The following RICTOR variants were observed in gnomAD, a reference collection of about 807,000 sequenced individuals.
The protein encoded by RICTOR is RPTOR independent companion of MTOR complex 2, also known as rapamycin-insensitive companion of mTOR.
RICTOR carries 49 observed loss-of-function variants against 214.9 expected under a neutral mutation model. That is an observed-to-expected ratio of 0.23 (90% CI 0.18 to 0.29). The LOEUF is 0.29. Ranked by LOEUF, RICTOR falls within the 10% of genes least tolerant of loss-of-function variation. RICTOR has a pLI of 1.00. For synonymous variants in RICTOR, 717 were observed against 711.3 expected (o/e 1.01, Z -0.13); for missense variants, 1,625 against 2,047.0 (o/e 0.79, Z 3.98).
At position 38,990,979 on chromosome 5, in the gene RICTOR, G is replaced by C; in HGVS notation, c.553C>G (p.Arg185Gly). The part of the protein sequence containing the change: ...DGLQERDRMV[R>G]ACIAIICELA... The stretch of plus-strand genomic sequence containing the variant: ...TCACAGATAATGGCAATGCATGCTC[G>C]GACCATTCTGTCTCTTTCTTGAAGT... The change falls in exon 7 of 38, where the codon CGA (arginine) becomes GGA (glycine). Residue 185 changes from arginine to glycine, a missense_variant. Physicochemically the swap from Arg to Gly is moderately radical, Grantham distance 125. Around this residue, in one of 5 missense-constraint regions of RICTOR, gnomAD observed 258 missense variants for 393.7 expected, o/e 0.66. Coordinates refer to ENST00000357387, the MANE Select transcript of RICTOR (RefSeq NM_152756.5). 1 of 1,604,844 alleles carries C rather than the reference G, an allele frequency of 6.2e-7. No individual in the cohort carries two copies. Among genetic ancestry groups the C allele is most frequent in the Non-Finnish European group, 8.5e-7 (1 of 1,174,650 alleles).
intron 6 of RICTOR, among the ~76,000 whole-genome samples, chr5:38,993,168 G>A (rs903080804): frequency 1.3e-5 from 2 of 152,316 alleles, no homozygotes; most frequent in Non-Finnish European, 2.9e-5. Context: ...GCCAATGTAG[G>A]TTTGGAAATT....
intron 24 of RICTOR, among the ~76,000 whole-genome samples, chr5:38,958,061 C>T (rs1749442487): frequency 6.6e-6 from 1 of 151,954 alleles, no homozygotes; most frequent in Non-Finnish European, 1.5e-5. Flanking sequence ...CATGGTGAAA[C>T]TCCAACTCTA....
intron 2 of RICTOR, among the ~76,000 whole-genome samples, chr5:39,035,397 T>C (rs895188260): frequency 9.9e-5 from 15 of 151,530 alleles, no homozygotes; most frequent in Admixed American, 3.9e-4. Context: ...AAGCTGAAAA[T>C]TCTAAATATC....
At chr5:39,049,233 A>T (rs1245537428) in intron 2 of RICTOR, among the ~76,000 whole-genome samples, 2 of 152,196 alleles carry the variant, frequency 1.3e-5, no homozygotes, top group Non-Finnish European at 2.9e-5. Context: ...TATAGGGCAC[A>T]ACCAAAAACC....
intron 2 of RICTOR, among the ~76,000 whole-genome samples, chr5:39,061,576 T>G (rs1758544709): frequency 6.6e-6 from 1 of 151,924 alleles, no homozygotes; most frequent in East Asian, 1.9e-4. Context: ...GGTGAACACT[T>G]AGCAGCAATA....
At chr5:39,066,147 T>C (rs542693596) in intron 2 of RICTOR, among the ~76,000 whole-genome samples, 129 of 152,308 alleles carry the variant, frequency 8.5e-4, no homozygotes, top group Non-Finnish European at 1.4e-3. Flanking sequence ...CTCTGAAATC[T>C]AGGCAGAGGC....
chr5:39,047,157 G>GT (rs1220077839), intron 2 of RICTOR, among the ~76,000 whole-genome samples: 1 of 152,132 alleles, frequency 6.6e-6, no homozygotes, highest in Non-Finnish European at 1.5e-5. Flanking sequence ...TAGTCATCAA[G>GT]TATCACTGAG....
intron 2 of RICTOR, among the ~76,000 whole-genome samples, chr5:39,056,095 C>T (rs1333575349): frequency 2.0e-5 from 3 of 152,150 alleles, no homozygotes; most frequent in Admixed American, 6.5e-5. Flanking sequence ...ATGTACTTGA[C>T]GACATGGTTA....
In RICTOR at chr5:39,036,340, G is replaced by A. The variant is rs1175099995; in HGVS notation, c.98-15204C>T. On this transcript the variant is annotated intron_variant, in intron 2 of 37. Coordinates refer to ENST00000357387, the MANE Select transcript of RICTOR (RefSeq NM_152756.5). ...AGCACTAAACATGAAAAGGAACAAC[G>A]GGTACCAGCCACTGCAAAAACATGC... Among the ~76,000 whole-genome samples, 4 of 151,968 alleles carry A rather than the reference G, an allele frequency of 2.6e-5. No homozygotes were observed. The South Asian group carries it at 6.2e-4, about 24-fold the overall frequency.
chr5:38,981,050 T>C (rs1225145437), intron 8 of RICTOR: 4 of 152,198 alleles, frequency 2.6e-5, no homozygotes, highest in Non-Finnish European at 5.9e-5. Context: ...TATACTAACA[T>C]TGTTAGTTAA....
At chr5:39,021,719 G>A (rs1435482763) in intron 2 of RICTOR, among the ~76,000 whole-genome samples, 1 of 151,936 alleles carries the variant, frequency 6.6e-6, no homozygotes, top group African/African-American at 2.4e-5. Flanking sequence ...CTCGACCTCA[G>A]ACTTCCCTGC....
chr5:38,940,971 T>G lies in RICTOR; in HGVS notation c.*1333A>C, dbSNP rs377245251. The G allele has an allele frequency of 4.3e-5, 10 of 232,702 alleles. No homozygotes were observed. The highest frequency in any genetic ancestry group is 3.7e-4 in the East Asian group (6 of 16,382). The allele number at this position is 232,702 out of a possible 1,614,324, so 14.4% of individuals were successfully genotyped here. ...AAAAAAGAATCCTAATCAGTCCAGC[T>G]GGATTTTCTATTTCTATTTATATAT... On this transcript the variant is annotated 3_prime_UTR_variant, in exon 38 of 38. Transcript: ENST00000357387.
intron 3 of RICTOR, among the ~76,000 whole-genome samples, chr5:39,011,088 G>A (rs1754477314): frequency 6.6e-6 from 1 of 152,150 alleles, no homozygotes; most frequent in Non-Finnish European, 1.5e-5. Flanking sequence ...CAGGCCCAGA[G>A]GCCTAGGAGG....
chr5:38,958,238 A>G (rs759161444), intron 24 of RICTOR, among the ~76,000 whole-genome samples: 5 of 151,842 alleles, frequency 3.3e-5, no homozygotes, highest in African/African-American at 7.3e-5. Context: ...CCGTCTCAAT[A>G]AAAAAAAGGA....
At chr5:38,948,123 T>C (rs943483285) in intron 31 of RICTOR, among the ~76,000 whole-genome samples, 17 of 152,146 alleles carry the variant, frequency 1.1e-4, no homozygotes, top group African/African-American at 3.9e-4. Flanking sequence ...TTCTTACTTA[T>C]GCAACAGACA....
At chr5:38,985,354 A>T (rs908291968) in intron 7 of RICTOR, among the ~76,000 whole-genome samples, 12 of 151,070 alleles carry the variant, frequency 7.9e-5, no homozygotes, top group Non-Finnish European at 1.5e-4. Context: ...TGTATTTAAA[A>T]TTTTTTTTTT....
intron 24 of RICTOR, among the ~76,000 whole-genome samples, chr5:38,958,033 C>G (rs1749438254): frequency 6.6e-6 from 1 of 152,010 alleles, no homozygotes; most frequent in Non-Finnish European, 1.5e-5. Context: ...GTCAAGAGTT[C>G]AAGACCAGCC....
intron 2 of RICTOR, among the ~76,000 whole-genome samples, chr5:39,037,464 G>A (rs1163335999): frequency 6.6e-6 from 1 of 151,826 alleles, no homozygotes; most frequent in East Asian, 1.9e-4. Flanking sequence ...AAATAACTAA[G>A]ATCAGAGCAG....
intron 2 of RICTOR, among the ~76,000 whole-genome samples, chr5:39,066,682 G>C (rs187394844): frequency 6.6e-6 from 1 of 152,314 alleles, no homozygotes; most frequent in East Asian, 1.9e-4. Context: ...GCTGTTAGCA[G>C]CATCCAGGAC....
Sources: allele counts gnomAD v4.1 joint callset (sites outside exome capture counted in the v4.1 genomes callset), GRCh38; gene constraint gnomAD v4.1.1; regional missense constraint gnomAD v4.1.1; transcripts MANE v1.5; gene names NCBI Gene and HGNC (gene_info 2026-07-23, HGNC 2026-07-21).